The following NUDC variants were observed in gnomAD, a reference collection of about 807,000 sequenced individuals.
NUDC encodes the protein nuclear migration protein nudC.
A neutral mutation model predicts 45.0 loss-of-function variants in NUDC; 14 were observed. The ratio of observed to expected loss-of-function variants is 0.31; its 90% CI spans 0.21 to 0.49. The LOEUF is 0.49. NUDC is among the 20% of genes least tolerant of loss of function. The pLI, the probability that NUDC is intolerant of heterozygous loss-of-function variation, is 0.99. For synonymous variants in NUDC, 153 were observed against 156.7 expected, an observed-to-expected ratio of 0.98 and a Z score of 0.17; for missense variants, 323 against 426.2, an observed-to-expected ratio of 0.76 and a Z score of 2.13.
chr1:26,901,272 G>A (rs888425151), intron 1 of NUDC, among the ~76,000 whole-genome samples: 29 of 151,726 alleles, frequency 1.9e-4, no homozygotes, highest in Non-Finnish European at 4.3e-4. Context: ...TAAACTATTT[G>A]TAGAGATGGG....
chr1:26,902,811 G>A (rs774378736), intron 2 of NUDC, among the ~76,000 whole-genome samples: 2 of 152,060 alleles, frequency 1.3e-5, no homozygotes, highest in African/African-American at 2.4e-5. Context: ...CACTTTGGGA[G>A]GCTGAGGTGG....
At chr1:26,937,956 G>A (rs1290528482) in intron 2 of NUDC, among the ~76,000 whole-genome samples, 1 of 152,168 alleles carries the variant, frequency 6.6e-6, no homozygotes, top group Admixed American at 6.5e-5. Flanking sequence ...ACCTGGATTA[G>A]CATTTGAATA....
upstream of NUDC, among the ~76,000 whole-genome samples, chr1:26,919,881 G>A (rs2082080249): frequency 2.0e-5 from 3 of 152,302 alleles, no homozygotes; most frequent in Non-Finnish European, 4.4e-5. Flanking sequence ...ATATGTATTT[G>A]ACGCTATGAA....
At chr1:26,913,366 T>A in intron 3 of NUDC, 1 of 1,595,924 alleles carries the variant, frequency 6.3e-7, no homozygotes, top group Non-Finnish European at 8.6e-7. Flanking sequence ...GGCTGGCCCC[T>A]GCTTCAGCCT....
chr1:26,937,944 C>T (rs111292882), intron 2 of NUDC, among the ~76,000 whole-genome samples: 10 of 152,300 alleles, frequency 6.6e-5, no homozygotes, highest in Admixed American at 1.3e-4. Context: ...CCCCCGTGCC[C>T]GACCTGGATT....
At chr1:26,944,269 C>T (rs1398314804) in intron 6 of NUDC, among the ~76,000 whole-genome samples, 2 of 152,064 alleles carry the variant, frequency 1.3e-5, no homozygotes, top group Admixed American at 6.6e-5. Context: ...AATGCAGTGG[C>T]GCAATCACGG....
At chr1:26,904,754 A>T (rs536334714) in intron 2 of NUDC, among the ~76,000 whole-genome samples, 1 of 151,764 alleles carries the variant, frequency 6.6e-6, no homozygotes, top group Non-Finnish European at 1.5e-5. Flanking sequence ...ATCACCTCCA[A>T]CCCCCCTTAG....
exon 1 of NUDC, chr1:26,900,307 A>AGAGGAAGCCACC (rs1458286028): frequency 1.2e-5 from 19 of 1,613,990 alleles, no homozygotes; most frequent in Non-Finnish European, 1.6e-5. Flanking sequence ...TAGTGGAAAC[A>AGAGGAAGCCACC]GAGGAAGCCA....
intron 1 of NUDC, chr1:26,922,308 T>G (rs2082098314): frequency 5.9e-6 from 2 of 338,910 alleles, no homozygotes; most frequent in South Asian, 2.6e-5. Flanking sequence ...CGAATGTGTG[T>G]GGTAGGGGAG....
In NUDC at chr1:26,927,328, G is replaced by T. The variant is rs372592225; in HGVS notation, c.159+3162G>T. ...GTCAGGGTCTTGCTCTGTTGTCCCA[G>T]CTGGAGCACAGTGGCGTGATCCAGC... On this transcript the variant is annotated intron_variant, in intron 2 of 8. Coordinates refer to ENST00000321265, the MANE Select transcript of NUDC (RefSeq NM_006600.4). Among the ~76,000 whole-genome samples the T allele has an allele frequency of 5.6e-5, 8 of 142,466 alleles. No individual in the cohort carries two copies. In the East Asian group the frequency reaches 1.5e-3, roughly 27 times the overall value. The allele number at this position is 142,466 out of a possible 152,430, so 93.5% of individuals were successfully genotyped here. A position where few individuals can be genotyped will look rare whatever the true frequency, so the allele number is the denominator to read the frequency against.
intron 2 of NUDC, among the ~76,000 whole-genome samples, chr1:26,910,123 CCACT>C (rs1204065417): frequency 6.6e-6 from 1 of 152,128 alleles, no homozygotes; most frequent in Non-Finnish European, 1.5e-5. Context: ...GGGTGTCTCC[CCACT>C]GTGTGCCCCA....
intron 2 of NUDC, among the ~76,000 whole-genome samples, chr1:26,934,130 C>T (rs1043210363): frequency 6.6e-6 from 1 of 152,044 alleles, no homozygotes; most frequent in Admixed American, 6.6e-5. Flanking sequence ...TCCAGCCTGT[C>T]GAGAGAGCGA....
chr1:26,921,936 G>A lies in NUDC; in HGVS notation c.81+7G>A. 3 of 1,549,816 alleles carry A rather than the reference G, an allele frequency of 1.9e-6. No homozygotes were observed. The highest frequency in any genetic ancestry group is 2.6e-6 in the Non-Finnish European group (3 of 1,146,232). On this transcript the variant is annotated splice_region_variant and intron_variant, in intron 1 of 8. Coordinates refer to ENST00000321265, the MANE Select transcript of NUDC (RefSeq NM_006600.4). ...CGAGGGCGGCGTGCAGGAGGTAACG[G>A]CCCGCGCGGCGTCGGCCCACCCGGC...
At position 26,927,033 on chromosome 1, in the gene NUDC, T is replaced by TA. The variant is rs199652085; in HGVS notation, c.159+2875dup. On this transcript the variant is annotated intron_variant, in intron 2 of 8. Transcript: ENST00000321265. ...CATGGATCTCACAGTGTAGCCAAAA[T>TA]AAAAAAAACAAGCAGTGAAAAAGTA... Among the ~76,000 whole-genome samples the TA allele has an allele frequency of 3.7e-3, 565 of 151,868 alleles. 2 individuals are homozygous for TA. Among genetic ancestry groups the TA allele is most frequent in the African/African-American group, 0.012 (500 of 41,440 alleles).
intron 2 of NUDC, among the ~76,000 whole-genome samples, chr1:26,903,880 G>A (rs1458026673): frequency 1.3e-5 from 2 of 151,138 alleles, no homozygotes; most frequent in East Asian, 1.9e-4. Context: ...GCGTGGTGGC[G>A]GGCACCTGTA....
chr1:26,933,558 C>T (rs1252244592), intron 2 of NUDC, among the ~76,000 whole-genome samples: 1 of 151,938 alleles, frequency 6.6e-6, no homozygotes, highest in African/African-American at 2.4e-5. Flanking sequence ...GGATTACAGG[C>T]ACCTGCCACC....
intron 2 of NUDC, among the ~76,000 whole-genome samples, chr1:26,940,582 T>G (rs547103402): frequency 6.6e-6 from 1 of 152,314 alleles, no homozygotes; most frequent in East Asian, 1.9e-4. Context: ...GGAGACAGGA[T>G]GCACTAAGAG....
chr1:26,939,652 A>T (rs1475311179), intron 2 of NUDC, among the ~76,000 whole-genome samples: 1 of 152,168 alleles, frequency 6.6e-6, no homozygotes, highest in African/African-American at 2.4e-5. Flanking sequence ...CCTCAGGGTC[A>T]CGCAGGTAAG....
At chr1:26,938,694 G>T (rs571323934) in intron 2 of NUDC, among the ~76,000 whole-genome samples, 1 of 152,170 alleles carries the variant, frequency 6.6e-6, no homozygotes. Flanking sequence ...CTGGGGGCCC[G>T]TGGGTGACTT....
Sources: allele counts gnomAD v4.1 joint callset (sites outside exome capture counted in the v4.1 genomes callset), GRCh38; gene constraint gnomAD v4.1.1; transcripts MANE v1.5; gene names NCBI Gene and HGNC (gene_info 2026-07-23, HGNC 2026-07-21).